The following APOBEC3D variants were observed in gnomAD, a reference collection of about 807,000 sequenced individuals.
The protein encoded by APOBEC3D is DNA dC->dU-editing enzyme APOBEC-3D.
In APOBEC3D, 37 loss-of-function variants were observed where a neutral mutation model predicts 45.6. The observed-to-expected ratio is 0.81, with a 90% CI of 0.62 to 1.07. The LOEUF (loss-of-function observed/expected upper bound fraction) is 1.07, where lower values mean the gene tolerates loss of function less well. Among genes scored for constraint, APOBEC3D ranks in the 50% least tolerant of loss-of-function variants. APOBEC3D has a pLI of 0.00. For synonymous variants in APOBEC3D, 175 were observed against 180.7 expected, an observed-to-expected ratio of 0.97 and a Z score of 0.25; for missense variants, 496 against 495.3, an observed-to-expected ratio of 1.00 and a Z score of -0.01.
rs1339212929 is a variant in APOBEC3D, at chr22:39,026,912, G to A, written c.605+1241G>A. The stretch of plus-strand genomic sequence containing the variant: ...GATTACAGGCTCATGCCACCATGCC[G>A]GCTAATTTTTGTATTTTTAGTAGAG... On this transcript the variant is annotated intron_variant, in intron 4 of 6. Transcript: ENST00000216099. Among the ~76,000 whole-genome samples the A allele has an allele frequency of 3.9e-5, 6 of 152,054 alleles. No individual in the cohort carries two copies. In the East Asian group the frequency reaches 5.8e-4, roughly 15 times the overall value.
chr22:39,023,064 G>T, intron 2 of APOBEC3D, 50 bp downstream of exon 2: 3 of 1,391,662 alleles, frequency 2.2e-6, no homozygotes, highest in Non-Finnish European at 2.8e-6. Context: ...TCTGGCGGCG[G>T]GCTCTCAACT....
chr22:39,024,191 T>G (rs555687291), intron 2 of APOBEC3D, among the ~76,000 whole-genome samples: 1 of 152,376 alleles, frequency 6.6e-6, no homozygotes, highest in South Asian at 2.1e-4. Flanking sequence ...GTGAAGTTTC[T>G]TTTTCTTCTC....
At chr22:39,023,922 C>T (rs182970666) in intron 2 of APOBEC3D, among the ~76,000 whole-genome samples, 33 of 152,254 alleles carry the variant, frequency 2.2e-4, no homozygotes, top group African/African-American at 6.7e-4. Context: ...CCACCCATCC[C>T]TACGGCCCCC....
Position 39,033,165 on chromosome 22 carries a change from T to G in APOBEC3D, c.*849T>G, listed in dbSNP as rs1389426615. On this transcript the variant is annotated 3_prime_UTR_variant, in exon 7 of 7. Coordinates refer to ENST00000216099, the MANE Select transcript of APOBEC3D (RefSeq NM_152426.4). ...CGGGGAGGTGGAGGCTGGAGTAAACTGAGATCGCGCCACAGAACTCCAGTT... is the reference window on the plus strand; with the variant it reads ...CGGGGAGGTGGAGGCTGGAGTAAACGGAGATCGCGCCACAGAACTCCAGTT... 8 of 693,360 alleles carry G rather than the reference T, an allele frequency of 1.2e-5. No homozygotes were observed. Among genetic ancestry groups the G allele is most frequent in the Non-Finnish European group, 1.4e-5 (8 of 563,428 alleles). 43.0% of individuals were successfully genotyped at this position (693,360 alleles called of 1,614,324 possible).
chr22:39,025,710 C>A, intron 4 of APOBEC3D, 39 bp downstream of exon 4: 3 of 1,612,958 alleles, frequency 1.9e-6, no homozygotes, highest in Non-Finnish European at 2.5e-6. Flanking sequence ...TCTCTCCTCT[C>A]GCCTCCTGCT....
rs1307029280 is a variant in APOBEC3D at position 39,032,575 on chromosome 22, C to A, written c.*259C>A. 11 of 1,216,028 alleles carry A rather than the reference C, an allele frequency of 9.0e-6. No homozygotes were observed. The highest frequency in any genetic ancestry group is 1.6e-5 in the African/African-American group (1 of 63,346). 75.3% of individuals were successfully genotyped at this position (1,216,028 alleles called of 1,614,324 possible). A position where few individuals can be genotyped will look rare whatever the true frequency, so the allele number is the denominator to read the frequency against. On this transcript the variant is annotated 3_prime_UTR_variant, in exon 7 of 7. Coordinates refer to ENST00000216099, the MANE Select transcript of APOBEC3D (RefSeq NM_152426.4). ...CCTAACTTGACTCTTCCCATCTCCCCAGCATAACCAAATCTTTTTTTTTTT... is the reference window on the plus strand; with the variant it reads ...CCTAACTTGACTCTTCCCATCTCCCAAGCATAACCAAATCTTTTTTTTTTT...
chr22:39,024,930 C>T, intron 2 of APOBEC3D, 140 bp from the exon 3 acceptor site: 3 of 856,114 alleles, frequency 3.5e-6, no homozygotes, highest in Non-Finnish European at 3.5e-6. Context: ...TCACTCAAAC[C>T]AAACAGGGGG....
intron 5 of APOBEC3D, 86 bp downstream of exon 5, chr22:39,029,605 G>A: frequency 1.3e-6 from 2 of 1,521,698 alleles, no homozygotes; most frequent in Non-Finnish European, 1.8e-6. Context: ...GCCCCGCGTG[G>A]GCTCTGCTAT....
chr22:39,031,915 G>C lies in APOBEC3D; in HGVS notation c.984G>C (p.Gln328His), dbSNP rs777031376. The C allele has an allele frequency of 1.2e-6, 2 of 1,614,206 alleles. No individual in the cohort carries two copies. The highest frequency in any genetic ancestry group is 2.2e-5 in the South Asian group (2 of 91,078). ...GCTACTTCTGGGATACAGATTACCA[G>C]GAGGGGCTCTGCAGCCTGAGTCAGG... The part of the protein sequence containing the change: ...RLCYFWDTDY[Q>H]EGLCSLSQEG... Residue 328 changes from glutamine (Q) to histidine (H), a missense_variant, in exon 6 of 7, where the codon CAG (glutamine) becomes CAC (histidine). Gln to His is a conservative substitution (Grantham distance 24, BLOSUM62 0). Transcript: ENST00000216099.
rs764940909 is a variant in APOBEC3D at position 39,025,654 on chromosome 22, G to A, written c.588G>A (p.Thr196=). ...ACAATTATGCATCCCTGCACCGCAC[G>A]CTAAAGGAGATTCTCAGGTGAGGGT... is the stretch of plus-strand genomic sequence containing the variant. The part of the protein sequence containing the change: ...FDDNYASLHR[T]LKEILRNPME... Residue 196 remains threonine, a synonymous_variant, in exon 4 of 7, where the codon ACG becomes ACA. Transcript: ENST00000216099. 8.7e-6 allele frequency: 14 copies of A among 1,613,966 alleles called. No individual in the cohort carries two copies. Among genetic ancestry groups the A allele is most frequent in the Admixed American group, 1.7e-5 (1 of 59,994 alleles).
At chr22:39,030,082 C>T (rs1182507902) in intron 5 of APOBEC3D, among the ~76,000 whole-genome samples, 43 of 150,738 alleles carry the variant, frequency 2.9e-4, no homozygotes, top group Admixed American at 2.2e-3. Context: ...CGGCAGTCCT[C>T]GGGAAACAGC....
rs1336436129 is a variant in APOBEC3D at position 39,031,932 on chromosome 22, T to C, written c.1001T>C (p.Leu334Pro). The part of the protein sequence containing the change: ...DTDYQEGLCS[L>P]SQEGASVKIM... ...GATTACCAGGAGGGGCTCTGCAGCC[T>C]GAGTCAGGAAGGGGCCTCCGTGAAG... Residue 334 changes from leucine to proline, a missense_variant, in exon 6 of 7, where the codon CTG becomes CCG. By Grantham distance (98) the Leu-to-Pro change is moderately conservative (BLOSUM62 -3). Transcript: ENST00000216099. 6.2e-7 allele frequency: 1 copy of C among 1,614,180 alleles called. No individual in the cohort carries two copies. Among genetic ancestry groups the C allele is most frequent in the South Asian group, 1.1e-5 (1 of 91,076 alleles).
intron 5 of APOBEC3D, among the ~76,000 whole-genome samples, chr22:39,029,873 C>G (rs1323665780): frequency 5.3e-5 from 8 of 152,202 alleles, no homozygotes; most frequent in Non-Finnish European, 1.2e-4. Flanking sequence ...GGCCTCCCAA[C>G]GTTCTAGGAT....
At chr22:39,024,151 G>A (rs59152094) in intron 2 of APOBEC3D, among the ~76,000 whole-genome samples, 6,992 of 152,248 alleles carry the variant, frequency 0.046, 553 homozygotes, top group African/African-American at 0.16. Flanking sequence ...TTACTTCAAC[G>A]CTGATTAACA....
chr22:39,032,149 G>A (rs1480218213), intron 6 of APOBEC3D, 49 bp from the exon 7 acceptor site: 4 of 1,605,444 alleles, frequency 2.5e-6, no homozygotes, highest in Admixed American at 3.4e-5. Flanking sequence ...CCAGGGCCGG[G>A]AGAGAGGCTT....
At position 39,021,460 on chromosome 22, in the gene APOBEC3D, G is replaced by A; in HGVS notation, c.-60G>A. On this transcript the variant is annotated 5_prime_UTR_variant, in exon 1 of 7. Transcript: ENST00000216099. The stretch of plus-strand genomic sequence containing the variant: ...CTGCAAGGAGCCGCAAGCAGGAAGT[G>A]AAACCACAGCACTTCAAAAAAAGAG... The A allele has an allele frequency of 6.2e-7, 1 of 1,613,348 alleles. No homozygotes were observed. The highest frequency in any genetic ancestry group is 1.1e-5 in the South Asian group (1 of 91,064).
At chr22:39,024,296 A>G (rs72487652) in intron 2 of APOBEC3D, among the ~76,000 whole-genome samples, 12 of 152,168 alleles carry the variant, frequency 7.9e-5, no homozygotes, top group Non-Finnish European at 1.5e-4. Flanking sequence ...GTGCCCCCCA[A>G]TATGGGACAG....
Position 39,022,892 on chromosome 22 carries a change from C to T in APOBEC3D, c.88C>T (p.Arg30Trp), listed in dbSNP as rs1399774868. ...TGAAAACGAACCCATCCTCTATGGT[C>T]GGAGCTACACTTGGCTGTGCTATGA... is the stretch of plus-strand genomic sequence containing the variant. The part of the protein sequence containing the change: ...NFENEPILYG[R>W]SYTWLCYEVK... The change falls in exon 2 of 7, where the codon CGG becomes TGG. Residue 30 changes from arginine (R) to tryptophan (W), a missense_variant. Arg to Trp is a moderately radical substitution (Grantham distance 101). Transcript: ENST00000216099. The T allele has an allele frequency of 6.8e-6, 11 of 1,613,386 alleles. No homozygotes were observed. The highest frequency in any genetic ancestry group is 3.3e-5 in the Admixed American group (2 of 59,972).
chr22:39,031,553 G>A (rs1292691131), intron 5 of APOBEC3D, 141 bp from the exon 6 acceptor site: 30 of 1,307,466 alleles, frequency 2.3e-5, no homozygotes, highest in Non-Finnish European at 2.7e-5. Flanking sequence ...TTGGGCAACA[G>A]GAGAGACCCT....
Sources: gnomAD v4.1 joint callset for allele counts (sites outside exome capture counted in the v4.1 genomes callset) on GRCh38, gnomAD v4.1.1 for gene constraint, MANE v1.5 for transcripts, NCBI Gene and HGNC (gene_info 2026-07-23, HGNC 2026-07-21) for gene names.